Variants in LRRTM4 observed in about 807,000 individuals in gnomAD.
LRRTM4 encodes leucine rich repeat transmembrane neuronal 4, also known as leucine-rich repeat transmembrane neuronal protein 4.
A neutral mutation model predicts 47.6 loss-of-function variants in LRRTM4; 25 were observed. The ratio of observed to expected loss-of-function variants is 0.53; its 90% CI spans 0.38 to 0.73. LRRTM4 has a LOEUF of 0.73. Ranked by LOEUF, LRRTM4 falls within the 30% of genes least tolerant of loss-of-function variation. The pLI is 0.00. For synonymous variants in LRRTM4, 311 were observed against 269.5 expected, an observed-to-expected ratio of 1.15 and a Z score of -1.51; for missense variants, 638 against 713.4, an observed-to-expected ratio of 0.89 and a Z score of 1.20.
chr2:77,286,896 CT>C (rs1258247116), intron 3 of LRRTM4, among the ~76,000 whole-genome samples: 1 of 152,018 alleles, frequency 6.6e-6, no homozygotes, highest in Admixed American at 6.6e-5. Flanking sequence ...AAAGAAAATA[CT>C]TCACTCACTC....
intron 3 of LRRTM4, among the ~76,000 whole-genome samples, chr2:76,911,355 A>G (rs1195641199): frequency 2.6e-5 from 4 of 152,260 alleles, no homozygotes; most frequent in African/African-American, 9.6e-5. Context: ...TCTTAAAAAT[A>G]AAAGTGAAAA....
chr2:76,843,901 CTTTTTTCATTT>C (rs1255983704), intron 3 of LRRTM4, among the ~76,000 whole-genome samples: 1 of 146,120 alleles, frequency 6.8e-6, no homozygotes, highest in Admixed American at 7.1e-5. Context: ...TAATTTCTTT[CTTTTTTCATTT>C]TTTTTTTTTT....
intron 1 of LRRTM4, 77 bp from the exon 2 acceptor site, chr2:77,521,895 T>C (rs183245031): frequency 5.3e-5 from 14 of 265,288 alleles, no homozygotes; most frequent in African/African-American, 3.9e-4. Flanking sequence ...ATATAAAAAA[T>C]CAGCACAGGG....
intron 3 of LRRTM4, among the ~76,000 whole-genome samples, chr2:77,473,394 C>G (rs1677264283): frequency 6.6e-6 from 1 of 152,114 alleles, no homozygotes; most frequent in South Asian, 2.1e-4. Context: ...GACATACACA[C>G]AAATTAATAT....
At chr2:77,377,368 C>T (rs181357904) in intron 3 of LRRTM4, among the ~76,000 whole-genome samples, 45 of 151,868 alleles carry the variant, frequency 3.0e-4, no homozygotes. Context: ...CTTAAAAATG[C>T]CAATATTAGT....
chr2:76,918,202 T>G, intron 3 of LRRTM4, among the ~76,000 whole-genome samples: 1 of 152,342 alleles, frequency 6.6e-6, no homozygotes, highest in East Asian at 1.9e-4. Flanking sequence ...ATGAAAAATG[T>G]CTGCTTTCTT....
At chr2:77,251,399 G>A (rs5018506) in intron 3 of LRRTM4, among the ~76,000 whole-genome samples, 82,946 of 151,366 alleles carry the variant, frequency 0.55, 23,070 homozygotes, top group African/African-American at 0.6. Flanking sequence ...GGAAATGGAG[G>A]AAGAAAGAGA....
intron 3 of LRRTM4, among the ~76,000 whole-genome samples, chr2:76,836,787 T>C (rs532175986): frequency 6.6e-6 from 1 of 152,196 alleles, no homozygotes; most frequent in African/African-American, 2.4e-5. Flanking sequence ...GAACAGAATA[T>C]ATTTCTTAAA....
intron 3 of LRRTM4, among the ~76,000 whole-genome samples, chr2:77,178,397 C>T (rs1174005901): frequency 6.6e-6 from 1 of 152,048 alleles, no homozygotes; most frequent in African/African-American, 2.4e-5. Context: ...ACCAGCCTGG[C>T]CAACATGGTG....
chr2:77,283,473 T>G (rs1676561761), intron 3 of LRRTM4, among the ~76,000 whole-genome samples: 1 of 151,320 alleles, frequency 6.6e-6, no homozygotes, highest in East Asian at 1.9e-4. Context: ...TTACTGTGTA[T>G]GTATCCAAAA....
At chr2:76,905,106 G>A (rs1002737627) in intron 3 of LRRTM4, among the ~76,000 whole-genome samples, 2 of 152,064 alleles carry the variant, frequency 1.3e-5, no homozygotes, top group Non-Finnish European at 2.9e-5. Flanking sequence ...CCCCCAGTAG[G>A]GGCAGACTGA....
chr2:76,753,887 T>C (rs1303094467), intron 3 of LRRTM4, among the ~76,000 whole-genome samples: 1 of 152,164 alleles, frequency 6.6e-6, no homozygotes, highest in African/African-American at 2.4e-5. Flanking sequence ...CCCTCTTTTC[T>C]CAAAGGTATT....
intron 3 of LRRTM4, among the ~76,000 whole-genome samples, chr2:76,993,480 C>T (rs1184381520): frequency 2.0e-5 from 3 of 151,816 alleles, no homozygotes; most frequent in Admixed American, 6.6e-5. Flanking sequence ...AGAAAACATA[C>T]ATTTGGCTTA....
At chr2:77,027,218 T>C (rs980038943) in intron 3 of LRRTM4, among the ~76,000 whole-genome samples, 4 of 152,180 alleles carry the variant, frequency 2.6e-5, no homozygotes, top group African/African-American at 7.2e-5. Context: ...TGCCTCTTCA[T>C]ACCAGAGGAA....
At position 77,012,477 on chromosome 2, in the gene LRRTM4, A is replaced by G. The variant is rs115945349; in HGVS notation, c.1552-263561T>C. Among the ~76,000 whole-genome samples, 902 of 152,306 alleles carry G rather than the reference A, an allele frequency of 5.9e-3. 11 individuals carry two copies. The highest frequency in any genetic ancestry group is 0.021 in the African/African-American group (868 of 41,554). On this transcript the variant is annotated intron_variant, in intron 3 of 3. Coordinates refer to ENST00000409884, the MANE Select transcript of LRRTM4 (RefSeq NM_001134745.3). ...TCTTTAACTCAAAACTAAAGACACAAACATAAAATCATTTAACTGCAGAGA... is the reference window on the plus strand; with the variant it reads ...TCTTTAACTCAAAACTAAAGACACAGACATAAAATCATTTAACTGCAGAGA...
intron 3 of LRRTM4, among the ~76,000 whole-genome samples, chr2:77,269,496 AG>A (rs1480874244): frequency 6.6e-6 from 1 of 152,224 alleles, no homozygotes; most frequent in Non-Finnish European, 1.5e-5. Flanking sequence ...TTAACACAAT[AG>A]ATTATATGTC....
In LRRTM4 at chr2:76,869,941, G is replaced by A. The variant is rs78859915; in HGVS notation, c.1552-121025C>T. On this transcript the variant is annotated intron_variant, in intron 3 of 3. Transcript: ENST00000409884. The stretch of plus-strand genomic sequence containing the variant: ...AATATGCCCTTCTGTGTGAATGATA[G>A]TATAAGTCATTTAGGACAGTAAGTG... Among the ~76,000 whole-genome samples, 511 of 152,168 alleles carry A rather than the reference G, an allele frequency of 3.4e-3. 25 individuals carry two copies. In the South Asian group the frequency reaches 0.076, roughly 23 times the overall value.
chr2:77,065,080 T>C (rs1415033741), intron 3 of LRRTM4, among the ~76,000 whole-genome samples: 2 of 152,208 alleles, frequency 1.3e-5, no homozygotes, highest in Non-Finnish European at 2.9e-5. Flanking sequence ...TAATGTTTTA[T>C]TGAAAAACAA....
chr2:76,836,840 A>C (rs1329658989), intron 3 of LRRTM4, among the ~76,000 whole-genome samples: 3 of 152,250 alleles, frequency 2.0e-5, no homozygotes, highest in African/African-American at 7.2e-5. Context: ...GGGCTAGGGC[A>C]TATGTATGGC....
Sources: gnomAD v4.1 joint callset for allele counts (sites outside exome capture counted in the v4.1 genomes callset) on GRCh38, gnomAD v4.1.1 for gene constraint, MANE v1.5 for transcripts, NCBI Gene and HGNC (gene_info 2026-07-23, HGNC 2026-07-21) for gene names.